The following ATP2B3 variants were observed in gnomAD, a reference collection of about 807,000 sequenced individuals.
The protein encoded by ATP2B3 is ATPase plasma membrane Ca2+ transporting 3.
A neutral mutation model predicts 70.8 loss-of-function variants in ATP2B3; 12 were observed. The observed-to-expected ratio is 0.17, with a 90% CI of 0.11 to 0.27. The LOEUF (loss-of-function observed/expected upper bound fraction) is 0.27. Ranked by LOEUF, ATP2B3 falls within the 10% of genes least tolerant of loss-of-function variation. The pLI, the probability that ATP2B3 is intolerant of heterozygous loss-of-function variation, is 1.00. For missense variants in ATP2B3, 858 were observed against 1,118.5 expected (o/e 0.77, Z 3.32); for synonymous variants, 460 against 497.8 (o/e 0.92, Z 1.01).
chrX:153,537,424 C>T (rs920604212), intron 3 of ATP2B3, among the ~76,000 whole-genome samples: 1 of 113,694 alleles, frequency 8.8e-6, no homozygotes, highest in African/African-American at 3.2e-5. Context: ...TCCTTGGCAC[C>T]TCCAGCCTCC....
chrX:153,565,196 C>T lies in ATP2B3; in HGVS notation c.3342+93C>T, dbSNP rs372424288. 50 of 1,020,289 alleles carry T rather than the reference C, an allele frequency of 4.9e-5. No individual in the cohort carries two copies. In the South Asian group the frequency reaches 1.0e-3, roughly 20 times the overall value. 84.1% of individuals were successfully genotyped at this position (1,020,289 alleles called of 1,213,427 possible). A position where few individuals can be genotyped will look rare whatever the true frequency, so the allele number is the denominator to read the frequency against. On this transcript the variant is annotated intron_variant, in intron 21 of 21. Transcript: ENST00000263519. ...CAGCCGAGAGCCGGCCGTCTGCACC[C>T]GACACCCACAGGGAAACCCTTTGGT...
At position 153,536,473 on chromosome X, in the gene ATP2B3, T is replaced by C. The variant is rs2090192766; in HGVS notation, c.208+18T>C. On this transcript the variant is annotated intron_variant, in intron 3 of 21. Coordinates refer to ENST00000263519, the MANE Select transcript of ATP2B3 (RefSeq NM_001001344.3). The stretch of plus-strand genomic sequence containing the variant: ...CACAGAGGGTAAGTCCCTCTCAGGC[T>C]GCATGCCACCCAGCCCTGCTCCCAG... 4.2e-6 allele frequency: 5 copies of C among 1,179,589 alleles called. No homozygotes were observed. The highest frequency in any genetic ancestry group is 5.7e-6 in the Non-Finnish European group (5 of 878,840).
At chrX:153,564,522 G>C (rs944301105) in intron 20 of ATP2B3, among the ~76,000 whole-genome samples, 1 of 112,980 alleles carries the variant, frequency 8.9e-6, no homozygotes, top group South Asian at 3.6e-4. Flanking sequence ...GCTGCACCGC[G>C]TTCCACTCGG....
chrX:153,576,512 C>A (rs1194279852), intron 21 of ATP2B3, among the ~76,000 whole-genome samples: 1 of 111,721 alleles, frequency 9.0e-6, no homozygotes, highest in Non-Finnish European at 1.9e-5. Context: ...GGGCCTCCTG[C>A]AATTTGAGAG....
intron 3 of ATP2B3, among the ~76,000 whole-genome samples, chrX:153,537,066 G>T (rs1402173645): frequency 8.9e-6 from 1 of 112,792 alleles, no homozygotes; most frequent in South Asian, 3.6e-4. Context: ...GGGTAGTGTC[G>T]GTCTCACTGC....
intron 5 of ATP2B3, 27 bp downstream of exon 5, chrX:153,541,953 T>A: frequency 8.4e-7 from 1 of 1,189,028 alleles, no homozygotes; most frequent in Non-Finnish European, 1.1e-6. Context: ...TCACCCACCC[T>A]GTCAAGGAAG....
At chrX:153,519,122 T>C (rs1556997070) in intron 2 of ATP2B3, among the ~76,000 whole-genome samples, 1 of 112,151 alleles carries the variant, frequency 8.9e-6, no homozygotes, top group African/African-American at 3.2e-5. Flanking sequence ...GGCTCTTCAT[T>C]TGCACAGGCC....
chrX:153,549,071 C>T (rs1269668308), intron 10 of ATP2B3, among the ~76,000 whole-genome samples: 1 of 108,659 alleles, frequency 9.2e-6, no homozygotes, highest in Non-Finnish European at 1.9e-5. Flanking sequence ...CGGTGAGATA[C>T]CCAGGGGTTC....
chrX:153,536,551 A>G, intron 3 of ATP2B3, 96 bp downstream of exon 3: 1 of 959,410 alleles, frequency 1.0e-6, no homozygotes, highest in Non-Finnish European at 1.5e-6. Context: ...GGCCAGGGTC[A>G]AGGGCCACCT....
chrX:153,534,021 G>A (rs2090153812), intron 2 of ATP2B3, among the ~76,000 whole-genome samples: 1 of 112,222 alleles, frequency 8.9e-6, no homozygotes, highest in Non-Finnish European at 1.9e-5. Flanking sequence ...CCACCCAAGA[G>A]CCTACCACAC....
intron 2 of ATP2B3, among the ~76,000 whole-genome samples, chrX:153,533,811 G>A (rs941371093): frequency 8.9e-6 from 1 of 111,829 alleles, no homozygotes. Context: ...GCAGCTGTAC[G>A]ACCTGGTATG....
rs781959070 is a variant in ATP2B3 at position 153,543,244 on chromosome X, G to A, written c.916+76G>A. On this transcript the variant is annotated intron_variant, in intron 7 of 21. Transcript: ENST00000263519. Reference sequence around the variant, plus strand: ...GCTGCCCATTCTTTCTTTGCGGGCCGGTGCCACTGGGGGCTCAGGGAGAGC... The same window carrying A: ...GCTGCCCATTCTTTCTTTGCGGGCCAGTGCCACTGGGGGCTCAGGGAGAGC... The A allele has an allele frequency of 5.9e-5, 66 of 1,120,574 alleles. No homozygotes were observed. The African/African-American group carries it at 7.8e-4, about 13-fold the overall frequency. 92.3% of individuals were successfully genotyped at this position (1,120,574 alleles called of 1,213,427 possible).
At position 153,560,894 on chromosome X, in the gene ATP2B3, G is replaced by C. The variant is rs2090615227; in HGVS notation, c.3051+7G>C. 1.3e-5 allele frequency: 16 copies of C among 1,211,320 alleles called. No individual in the cohort carries two copies. Among genetic ancestry groups the C allele is most frequent in the Non-Finnish European group, 1.8e-5 (16 of 895,086 alleles). On this transcript the variant is annotated splice_region_variant and intron_variant, in intron 19 of 21. Transcript: ENST00000263519. Reference sequence around the variant, plus strand: ...GGGCACTTTCGGGATTCAGGTAGGAGGGGCGGCTCCACTCTTGGCCTCTGC... The same window carrying C: ...GGGCACTTTCGGGATTCAGGTAGGACGGGCGGCTCCACTCTTGGCCTCTGC...
chrX:153,532,917 C>T (rs1291649953), intron 2 of ATP2B3: 2 of 112,071 alleles, frequency 1.8e-5, no homozygotes, highest in African/African-American at 6.5e-5. Flanking sequence ...AAAGTATATG[C>T]CATTTGGTCT....
intron 21 of ATP2B3, among the ~76,000 whole-genome samples, chrX:153,574,376 C>A (rs782743750): frequency 2.8e-4 from 32 of 112,312 alleles, no homozygotes; most frequent in African/African-American, 9.4e-4. Flanking sequence ...AGGTCCCTGC[C>A]TCCAAAGGAA....
chrX:153,533,032 A>G (rs2090140054), intron 2 of ATP2B3: 1 of 111,134 alleles, frequency 9.0e-6, no homozygotes, highest in Non-Finnish European at 1.9e-5. Flanking sequence ...TTAGCAGAGC[A>G]CCCCGACCCC....
chrX:153,562,597 G>A (rs1557016776), intron 20 of ATP2B3, among the ~76,000 whole-genome samples: 1 of 111,945 alleles, frequency 8.9e-6, no homozygotes. Flanking sequence ...GGGGCGAAAA[G>A]AAAGTCTCCA....
At position 153,550,201 on chromosome X, in the gene ATP2B3, C is replaced by T. The variant is rs1557010945; in HGVS notation, c.1738C>T (p.Arg580Cys). 1.6e-6 allele frequency: 2 copies of T among 1,212,451 alleles called. No individual in the cohort carries two copies. The highest frequency in any genetic ancestry group is 2.2e-5 in the Admixed American group (1 of 46,151). Residue 580 changes from arginine (R) to cysteine (C), a missense_variant, in exon 12 of 22, where the codon CGC becomes TGC. This residue lies in a region of ATP2B3 where 242 missense variants were observed against 281.3 expected (regional missense o/e 0.86). Coordinates refer to ENST00000263519, the MANE Select transcript of ATP2B3 (RefSeq NM_001001344.3). ...CAAAGTGTACACCTTCAACTCGGTCCGCAAGTCCATGAGCACAGTCATCCG... is the reference window on the plus strand; with the variant it reads ...CAAAGTGTACACCTTCAACTCGGTCTGCAAGTCCATGAGCACAGTCATCCG... ...LYKVYTFNSV[R>C]KSMSTVIRMP...
At chrX:153,567,611 T>G (rs1230501877) in intron 21 of ATP2B3, among the ~76,000 whole-genome samples, 1 of 112,857 alleles carries the variant, frequency 8.9e-6, no homozygotes, top group Non-Finnish European at 1.9e-5. Flanking sequence ...GTGTCTCGTG[T>G]CCTCTGTATG....
Sources: gnomAD v4.1 joint callset for allele counts (sites outside exome capture counted in the v4.1 genomes callset) on GRCh38, gnomAD v4.1.1 for gene constraint, gnomAD v4.1.1 regional missense constraint, MANE v1.5 for transcripts, NCBI Gene and HGNC (gene_info 2026-07-23, HGNC 2026-07-21) for gene names.